Variants in MBTPS1 observed in about 807,000 individuals in gnomAD.
MBTPS1 encodes the protein membrane-bound transcription factor site-1 protease.
A neutral mutation model predicts 127.8 loss-of-function variants in MBTPS1; 94 were observed. The ratio of observed to expected loss-of-function variants is 0.74; its 90% CI spans 0.62 to 0.87. The LOEUF (loss-of-function observed/expected upper bound fraction) is 0.87, where lower values mean the gene tolerates loss of function less well. MBTPS1 is among the 40% of genes least tolerant of loss of function. MBTPS1 has a pLI of 0.00. For synonymous variants in MBTPS1, 632 were observed against 509.4 expected (o/e 1.24, Z -3.24); for missense variants, 1,636 against 1,353.2 (o/e 1.21, Z -3.28).
intron 3 of MBTPS1, 82 bp downstream of exon 3, chr16:84,098,971 G>T: frequency 7.7e-7 from 1 of 1,298,018 alleles, no homozygotes. Context: ...GATACTCACT[G>T]TACTATTTTT....
intron 12 of MBTPS1, among the ~76,000 whole-genome samples, chr16:84,071,282 C>T (rs1020631649): frequency 2.6e-5 from 4 of 152,172 alleles, no homozygotes; most frequent in African/African-American, 9.7e-5. Flanking sequence ...TTCTACCCTC[C>T]AGGTGGGAGA....
At chr16:84,095,222 G>C (rs1457233412) in intron 4 of MBTPS1, among the ~76,000 whole-genome samples, 1 of 152,238 alleles carries the variant, frequency 6.6e-6, no homozygotes, top group African/African-American at 2.4e-5. Context: ...CCCAAGAAGT[G>C]ACAGACTTCT....
At chr16:84,054,909 G>C (rs909018475) in intron 22 of MBTPS1, among the ~76,000 whole-genome samples, 5 of 152,166 alleles carry the variant, frequency 3.3e-5, no homozygotes, top group Non-Finnish European at 5.9e-5. Flanking sequence ...CCCCGCAGAC[G>C]GATGATCAGG....
chr16:84,062,086 C>G (rs3759972), intron 19 of MBTPS1, among the ~76,000 whole-genome samples: 41,522 of 152,034 alleles, frequency 0.27, 5,686 homozygotes, highest in East Asian at 0.35. Flanking sequence ...CCTCCTTTAA[C>G]TGTGACTTTA....
intron 11 of MBTPS1, chr16:84,081,536 T>G (rs1381689240): frequency 2.7e-6 from 1 of 372,088 alleles, no homozygotes; most frequent in Non-Finnish European, 4.7e-6. Context: ...TTTTAACCAT[T>G]TATATTAAAG....
Position 84,070,593 on chromosome 16 carries a change from T to G in MBTPS1, c.1777A>C (p.Thr593Pro). Residue 593 changes from threonine (T) to proline (P), a missense_variant, in exon 13 of 23, where the codon ACA (threonine) becomes CCA (proline). Physicochemically the swap from Thr to Pro is conservative, Grantham distance 38. Transcript: ENST00000343411. ...VMITVASPAE[T>P]ESKNGAEQTS... ...ACTTTCCCGCATATCCCTACCTCTGTCTCTGCTGGGGAAGCCACAGTGATC... is the reference window on the plus strand; with the variant it reads ...ACTTTCCCGCATATCCCTACCTCTGGCTCTGCTGGGGAAGCCACAGTGATC... 6.2e-7 allele frequency: 1 copy of G among 1,611,640 alleles called. No individual in the cohort carries two copies.
chr16:84,108,461 G>A (rs903400732), intron 1 of MBTPS1, among the ~76,000 whole-genome samples: 1 of 152,130 alleles, frequency 6.6e-6, no homozygotes, highest in African/African-American at 2.4e-5. Context: ...ACAGGATTTT[G>A]CCATGCTGGC....
At chr16:84,097,283 T>C (rs991251073) in intron 3 of MBTPS1, among the ~76,000 whole-genome samples, 8 of 152,222 alleles carry the variant, frequency 5.3e-5, no homozygotes, top group African/African-American at 1.9e-4. Context: ...TTTGGTTACT[T>C]ACAACATCTT....
chr16:84,092,532 C>G (rs2151163317), intron 6 of MBTPS1, among the ~76,000 whole-genome samples: 1 of 152,262 alleles, frequency 6.6e-6, no homozygotes, highest in East Asian at 1.9e-4. Context: ...GGAACATCAT[C>G]ACACAGGACA....
chr16:84,066,470 T>C lies in MBTPS1; in HGVS notation c.2353+19A>G. 1 of 1,613,364 alleles carries C rather than the reference T, an allele frequency of 6.2e-7. No individual in the cohort carries two copies. Among genetic ancestry groups the C allele is most frequent in the South Asian group, 1.1e-5 (1 of 91,000 alleles). On this transcript the variant is annotated intron_variant, in intron 17 of 22. Coordinates refer to ENST00000343411, the MANE Select transcript of MBTPS1 (RefSeq NM_003791.4). The stretch of plus-strand genomic sequence containing the variant: ...TGCTCTCACACCTAAGACCACGCCC[T>C]CAGGAAACAGAGCCTTACTGTCATG...
At chr16:84,056,319 C>T (rs184073624) in intron 21 of MBTPS1, 184 bp from the exon 22 acceptor site, 139 of 536,048 alleles carry the variant, frequency 2.6e-4, no homozygotes, top group Non-Finnish European at 3.8e-4. Context: ...TTCCACGTCC[C>T]GAGGGAGAAA....
intron 21 of MBTPS1, chr16:84,056,950 G>A (rs1357956359): frequency 6.6e-6 from 1 of 152,236 alleles, no homozygotes; most frequent in Non-Finnish European, 1.5e-5. Context: ...CTTAAGTGAG[G>A]GGGAAGAATA....
chr16:84,074,510 C>A, intron 12 of MBTPS1, 87 bp downstream of exon 12: 1 of 1,409,666 alleles, frequency 7.1e-7, no homozygotes, highest in Admixed American at 2.0e-5. Flanking sequence ...CCTTTTTTAA[C>A]TTCAGCAGAA....
At chr16:84,056,851 A>T (rs905248155) in intron 21 of MBTPS1, 1 of 152,276 alleles carries the variant, frequency 6.6e-6, no homozygotes, top group Non-Finnish European at 1.5e-5. Flanking sequence ...AAGAAGACAG[A>T]GAGGTTGATA....
At chr16:84,104,047 T>A (rs899381179) in intron 1 of MBTPS1, among the ~76,000 whole-genome samples, 1 of 152,234 alleles carries the variant, frequency 6.6e-6, no homozygotes, top group Non-Finnish European at 1.5e-5. Flanking sequence ...AGTTTCTTTA[T>A]GCTTGATACA....
Position 84,069,908 on chromosome 16 carries a change from A to T in MBTPS1, c.1913T>A (p.Phe638Tyr), listed in dbSNP as rs1425508216. ...CTTCATCCTTAAATTATCCCTGGGGAAATAGCCAGGTGGATAGCGGAGGTT... is the reference window on the plus strand; with the variant it reads ...CTTCATCCTTAAATTATCCCTGGGGTAATAGCCAGGTGGATAGCGGAGGTT... ...YHNLRYPPGY[F>Y]PRDNLRMKND... Residue 638 changes from phenylalanine to tyrosine, a missense_variant, in exon 14 of 23, where the codon TTC becomes TAC. By Grantham distance (22) the Phe-to-Tyr change is conservative. Coordinates refer to ENST00000343411, the MANE Select transcript of MBTPS1 (RefSeq NM_003791.4). The T allele has an allele frequency of 6.2e-7, 1 of 1,613,994 alleles. No homozygotes were observed. Among genetic ancestry groups the T allele is most frequent in the African/African-American group, 1.3e-5 (1 of 74,904 alleles).
intron 1 of MBTPS1, among the ~76,000 whole-genome samples, chr16:84,115,042 C>G (rs892555979): frequency 2.0e-5 from 3 of 151,856 alleles, no homozygotes; most frequent in African/African-American, 7.3e-5. Flanking sequence ...GATTCTCCTG[C>G]CTCAGCCTCC....
intron 19 of MBTPS1, chr16:84,061,765 T>A (rs1050848707): frequency 2.0e-5 from 3 of 152,262 alleles, no homozygotes; most frequent in African/African-American, 7.2e-5. Context: ...GGATCCTTTC[T>A]GAGAGGGAAG....
chr16:84,092,763 T>C (rs762492420), intron 6 of MBTPS1, among the ~76,000 whole-genome samples: 2 of 152,134 alleles, frequency 1.3e-5, no homozygotes, highest in East Asian at 1.9e-4. Flanking sequence ...CCCAACACAA[T>C]GCCAGGTGTC....
Sources: allele counts gnomAD v4.1 joint callset (sites outside exome capture counted in the v4.1 genomes callset), GRCh38; gene constraint gnomAD v4.1.1; transcripts MANE v1.5; gene names NCBI Gene and HGNC (gene_info 2026-07-23, HGNC 2026-07-21).